NOX5: variants seen among roughly 807,000 people sequenced by gnomAD.
The protein encoded by NOX5 is NADPH oxidase, EF-hand calcium binding domain 5.
A neutral mutation model predicts 85.7 loss-of-function variants in NOX5; 76 were observed. That is an observed-to-expected ratio of 0.89 (90% CI 0.74 to 1.07). NOX5 has a LOEUF of 1.07. Ranked by LOEUF, NOX5 falls within the 50% of genes least tolerant of loss-of-function variation. The pLI is 0.00. For missense variants in NOX5, 973 were observed against 999.5 expected, an observed-to-expected ratio of 0.97 and a Z score of 0.36; for synonymous variants, 405 against 401.4, an observed-to-expected ratio of 1.01 and a Z score of -0.11.
At chr15:69,018,166 T>A (rs1318101276) in intron 1 of NOX5, among the ~76,000 whole-genome samples, 1 of 151,742 alleles carries the variant, frequency 6.6e-6, no homozygotes, top group Non-Finnish European at 1.5e-5. Context: ...AAACTCCAAC[T>A]CCCATTTGGG....
At chr15:69,027,840 G>T (rs1190317939) in intron 2 of NOX5, among the ~76,000 whole-genome samples, 1 of 152,178 alleles carries the variant, frequency 6.6e-6, no homozygotes. Context: ...GTGAGACAGG[G>T]CTGGAAGGAG....
At chr15:69,050,215 C>T (rs527990386) in intron 14 of NOX5, among the ~76,000 whole-genome samples, 2 of 152,322 alleles carry the variant, frequency 1.3e-5, no homozygotes, top group African/African-American at 4.8e-5. Context: ...GGGTGTACCA[C>T]CATTTGTCCA....
intron 8 of NOX5, 121 bp downstream of exon 8, chr15:69,037,331 C>A: frequency 9.8e-7 from 1 of 1,024,644 alleles, no homozygotes; most frequent in Non-Finnish European, 1.4e-6. Flanking sequence ...TAGCTGCAGC[C>A]CCATTGCTAT....
In NOX5 at chr15:69,038,958, C is replaced by A; in HGVS notation, c.1473C>A (p.Pro491=). ...CCATTGCTCGCTATGAGTGGCACCCCTTCACCATCAGCAGTGCTCCTGAGC... is the reference window on the plus strand; with the variant it reads ...CCATTGCTCGCTATGAGTGGCACCCATTCACCATCAGCAGTGCTCCTGAGC... ...IPTIARYEWH[P]FTISSAPEQK... Residue 491 remains proline (P), a synonymous_variant, in exon 9 of 16, where the codon CCC becomes CCA. Transcript: ENST00000388866. 6.2e-7 allele frequency: 1 copy of A among 1,614,176 alleles called. No individual in the cohort carries two copies.
chr15:69,059,527 GC>G lies in NOX5; in HGVS notation c.*2832del. 1 of 152,222 alleles carries G rather than the reference GC, an allele frequency of 6.6e-6. No individual in the cohort carries two copies. The highest frequency in any genetic ancestry group is 1.5e-5 in the Non-Finnish European group (1 of 68,034). 9.4% of individuals were successfully genotyped at this position (152,222 alleles called of 1,614,324 possible). ...CCCCATACCCAGTGTCCAGTTCTGG[GC>G]TTTCCTCTTTTCTGCTTGCAACAAA... On this transcript the variant is annotated 3_prime_UTR_variant, in exon 16 of 16. Transcript: ENST00000388866.
In NOX5 at chr15:69,059,343, G is replaced by C. The variant is rs2050849887; in HGVS notation, c.*2647G>C. On this transcript the variant is annotated 3_prime_UTR_variant, in exon 16 of 16. Coordinates refer to ENST00000388866, the MANE Select transcript of NOX5 (RefSeq NM_024505.4). ...TCCGTGAGTGGCAGTTAATCAAAGG[G>C]AAAGGGGCTGGGAAGACAACGCCCT... The C allele has an allele frequency of 6.6e-6, 1 of 152,144 alleles. No individual in the cohort carries two copies. Among genetic ancestry groups the C allele is most frequent in the Admixed American group, 6.5e-5 (1 of 15,280 alleles). 9.4% of individuals were successfully genotyped at this position (152,144 alleles called of 1,614,324 possible).
chr15:69,022,290 C>G (rs1476492587), intron 1 of NOX5: 1 of 189,522 alleles, frequency 5.3e-6, no homozygotes, highest in East Asian at 1.3e-4. Context: ...CAATGGCTTA[C>G]CCAAGGTGAC....
intron 1 of NOX5, among the ~76,000 whole-genome samples, chr15:69,024,650 A>C (rs963276793): frequency 1.3e-5 from 2 of 152,166 alleles, no homozygotes; most frequent in Non-Finnish European, 2.9e-5. Flanking sequence ...ATTACTAGTT[A>C]TTGTTAATTT....
chr15:69,043,007 G>A (rs2050615573), intron 10 of NOX5, among the ~76,000 whole-genome samples: 1 of 152,228 alleles, frequency 6.6e-6, no homozygotes, highest in Admixed American at 6.5e-5. Context: ...CCAGTCTGAT[G>A]TCCCCCATTA....
At chr15:69,036,072 A>G (rs1029509787) in intron 7 of NOX5, 136 bp downstream of exon 7, 4 of 1,220,892 alleles carry the variant, frequency 3.3e-6, no homozygotes, top group Admixed American at 5.1e-5. Context: ...GTGATTTGGG[A>G]CCTGCTGCTG....
intron 10 of NOX5, chr15:69,045,989 GTGGGAATGTGGGCA>G (rs2140275317): frequency 6.6e-6 from 1 of 152,410 alleles, no homozygotes; most frequent in South Asian, 2.1e-4. Flanking sequence ...CCCGAGCTCT[GTGGGAATGTGGGCA>G]CGTCCTTCCC....
Position 69,033,182 on chromosome 15 carries a change from G to A in NOX5, c.760G>A (p.Gly254Arg). The A allele has an allele frequency of 1.9e-6, 3 of 1,590,362 alleles. No homozygotes were observed. The highest frequency in any genetic ancestry group is 2.6e-6 in the Non-Finnish European group (3 of 1,175,770). The change falls in exon 5 of 16, where the codon GGG (glycine) becomes AGG (arginine). Residue 254 changes from glycine to arginine, a missense_variant. Transcript: ENST00000388866. ...TYAGLHVLLF[G>R]LAASAHRDLG... ...TGCAGGCCTCCACGTGCTGCTCTTC[G>A]GGCTGGCGGCCAGCGCGCACCGGGA...
At position 69,055,315 on chromosome 15, in the gene NOX5, C is replaced by G. The variant is rs755857068; in HGVS notation, c.2000-19C>G. 2 of 1,612,782 alleles carry G rather than the reference C, an allele frequency of 1.2e-6. No homozygotes were observed. Among genetic ancestry groups the G allele is most frequent in the East Asian group, 4.5e-5 (2 of 44,820 alleles). ...TGGGTACTAGACCCTCAGTGCAGCC[C>G]TTGTCCCCTGCCCAACAGGCCGCTT... On this transcript the variant is annotated intron_variant, in intron 14 of 15. Transcript: ENST00000388866.
At chr15:69,045,536 T>TTTTCTTTTTCTTTCTTTC (rs1555437206) in intron 10 of NOX5, among the ~76,000 whole-genome samples, 2 of 94,560 alleles carry the variant, frequency 2.1e-5, no homozygotes, top group Non-Finnish European at 1.9e-5. Context: ...TTCCTTTCTT[T>TTTTCTTTTTCTTTCTTTC]TTTCTTTCTT....
rs776460624 is a variant in NOX5 at position 69,021,063 on chromosome 15, GT to G, written c.51-5455del. Among the ~76,000 whole-genome samples, 621 of 146,988 alleles carry G rather than the reference GT, an allele frequency of 4.2e-3. 1 individual carries two copies. The highest frequency in any genetic ancestry group is 6.2e-3 in the Non-Finnish European group (408 of 66,208). Reference sequence around the variant, plus strand: ...AACTAACTAAACTAAGGTTGGGTTTGTTTTTTTTTTAAAGTGACCTTCTAGA... The same window carrying G: ...AACTAACTAAACTAAGGTTGGGTTTGTTTTTTTTTAAAGTGACCTTCTAGA... On this transcript the variant is annotated intron_variant, in intron 1 of 15. Coordinates refer to ENST00000388866, the MANE Select transcript of NOX5 (RefSeq NM_024505.4).
intron 3 of NOX5, chr15:69,028,659 G>T (rs573431126): frequency 2.9e-5 from 7 of 244,644 alleles, no homozygotes; most frequent in Non-Finnish European, 5.5e-5. Context: ...ACCTTTTTCT[G>T]ATCTTTTCTA....
At chr15:69,054,872 T>TTGGAGCC (rs2050791473) in intron 14 of NOX5, among the ~76,000 whole-genome samples, 1 of 152,172 alleles carries the variant, frequency 6.6e-6, no homozygotes, top group Non-Finnish European at 1.5e-5. Flanking sequence ...GGCATGAGCT[T>TTGGAGCC]TGGAGCCCAG....
At chr15:69,014,923 C>A in intron 1 of NOX5, 138 bp downstream of exon 1, 1 of 680,182 alleles carries the variant, frequency 1.5e-6, no homozygotes, top group South Asian at 1.9e-5. Flanking sequence ...TCTTGCCTTG[C>A]TACTAGCAAG....
intron 1 of NOX5, among the ~76,000 whole-genome samples, chr15:69,026,321 T>G (rs553125075): frequency 6.6e-6 from 1 of 151,956 alleles, no homozygotes; most frequent in Non-Finnish European, 1.5e-5. Context: ...GCCAGCCAAC[T>G]CAGGATAAGA....
Sources: allele counts gnomAD v4.1 joint callset (sites outside exome capture counted in the v4.1 genomes callset), GRCh38; gene constraint gnomAD v4.1.1; transcripts MANE v1.5; gene names NCBI Gene and HGNC (gene_info 2026-07-23, HGNC 2026-07-21).